The following TAFA1 variants were observed in gnomAD, a reference collection of about 807,000 sequenced individuals.
TAFA1 encodes chemokine-like protein TAFA-1.
A neutral mutation model predicts 18.5 loss-of-function variants in TAFA1; 4 were observed. That is an observed-to-expected ratio of 0.22 (90% CI 0.11 to 0.49). The LOEUF (loss-of-function observed/expected upper bound fraction) is 0.49, where lower values mean the gene tolerates loss of function less well. Among genes scored for constraint, TAFA1 ranks in the 20% least tolerant of loss-of-function variants. The pLI is 0.98. For missense variants in TAFA1, 147 were observed against 169.0 expected (o/e 0.87, Z 0.72); for synonymous variants, 56 against 55.2 (o/e 1.01, Z -0.06).
At chr3:68,531,827 C>T (rs757160662) in intron 3 of TAFA1, among the ~76,000 whole-genome samples, 1 of 152,068 alleles carries the variant, frequency 6.6e-6, no homozygotes. Flanking sequence ...TGGTGGGGGG[C>T]CCTCTCCTGC....
At chr3:68,341,229 G>A (rs1043695197) in intron 2 of TAFA1, among the ~76,000 whole-genome samples, 2 of 152,134 alleles carry the variant, frequency 1.3e-5, no homozygotes, top group Non-Finnish European at 2.9e-5. Flanking sequence ...GGATAATTTG[G>A]TGGTTAGGGG....
chr3:68,168,692 T>G (rs2066014997), intron 2 of TAFA1, among the ~76,000 whole-genome samples: 1 of 152,214 alleles, frequency 6.6e-6, no homozygotes, highest in Admixed American at 6.5e-5. Flanking sequence ...AGGTTGCAAG[T>G]CTATTTCTAC....
At chr3:68,021,385 A>G (rs937862627) in intron 2 of TAFA1, among the ~76,000 whole-genome samples, 3 of 152,170 alleles carry the variant, frequency 2.0e-5, no homozygotes, top group Admixed American at 1.3e-4. Context: ...TAAAAGAGCT[A>G]CTAGTCAGCT....
At chr3:68,495,540 T>G (rs2072530096) in intron 3 of TAFA1, among the ~76,000 whole-genome samples, 1 of 152,136 alleles carries the variant, frequency 6.6e-6, no homozygotes, top group Non-Finnish European at 1.5e-5. Context: ...TGGCCTTACA[T>G]TTAAAAGTCG....
At chr3:68,071,589 G>A (rs1004893237) in intron 2 of TAFA1, among the ~76,000 whole-genome samples, 2 of 152,180 alleles carry the variant, frequency 1.3e-5, no homozygotes, top group African/African-American at 4.8e-5. Context: ...TCTCGTGCCA[G>A]CTCTGCCACT....
chr3:68,273,950 C>G (rs539767364), intron 2 of TAFA1, among the ~76,000 whole-genome samples: 21 of 152,110 alleles, frequency 1.4e-4, no homozygotes, highest in Non-Finnish European at 2.9e-4. Flanking sequence ...CTAAGCCAGA[C>G]CAACTCTTTT....
chr3:68,522,860 G>A (rs1364232746), intron 3 of TAFA1, among the ~76,000 whole-genome samples: 1 of 151,814 alleles, frequency 6.6e-6, no homozygotes, highest in East Asian at 1.9e-4. Context: ...CAGGTCACTT[G>A]AGGTCAGGAG....
chr3:68,533,941 T>C (rs569093011), intron 3 of TAFA1, among the ~76,000 whole-genome samples: 1 of 152,300 alleles, frequency 6.6e-6, no homozygotes, highest in South Asian at 2.1e-4. Context: ...GATGGCCATG[T>C]AACATGTCAA....
intron 2 of TAFA1, among the ~76,000 whole-genome samples, chr3:68,181,153 T>A (rs1406268394): frequency 1.3e-5 from 2 of 152,038 alleles, no homozygotes; most frequent in Non-Finnish European, 2.9e-5. Flanking sequence ...CAGTTAAGCT[T>A]TGAGATGAGA....
At chr3:68,189,813 T>C (rs774342420) in intron 2 of TAFA1, among the ~76,000 whole-genome samples, 3 of 151,978 alleles carry the variant, frequency 2.0e-5, no homozygotes, top group Admixed American at 1.3e-4. Context: ...TCTGGCATTA[T>C]GCCTGGCACA....
At position 68,408,073 on chromosome 3, in the gene TAFA1, T is replaced by C. The variant is rs192943745; in HGVS notation, c.119-9207T>C. Among the ~76,000 whole-genome samples, 15 of 152,272 alleles carry C rather than the reference T, an allele frequency of 9.9e-5. No homozygotes were observed. The East Asian group carries it at 2.1e-3, about 22-fold the overall frequency. ...TGATGAATTCCAAAAAAGCTACTTA[T>C]ACAACCCTGATCAAAAAGTCCTGTA... On this transcript the variant is annotated intron_variant, in intron 2 of 4. Transcript: ENST00000478136.
At chr3:68,527,609 C>A (rs375643968) in intron 3 of TAFA1, among the ~76,000 whole-genome samples, 2 of 152,072 alleles carry the variant, frequency 1.3e-5, no homozygotes, top group African/African-American at 4.8e-5. Flanking sequence ...GTTCTTTTCT[C>A]TGATAGCATG....
At chr3:68,403,409 T>C (rs2070535218) in intron 2 of TAFA1, among the ~76,000 whole-genome samples, 1 of 152,214 alleles carries the variant, frequency 6.6e-6, no homozygotes, top group Non-Finnish European at 1.5e-5. Context: ...TCAGTGTGGC[T>C]GTGTTTGCAG....
At chr3:68,091,653 A>AAATG (rs1029299083) in intron 2 of TAFA1, among the ~76,000 whole-genome samples, 47 of 152,260 alleles carry the variant, frequency 3.1e-4, no homozygotes, top group African/African-American at 1.0e-3. Context: ...AAACCACTAC[A>AAATG]AATGAATGAA....
chr3:68,223,892 G>T (rs2066762915), intron 2 of TAFA1, among the ~76,000 whole-genome samples: 1 of 151,704 alleles, frequency 6.6e-6, no homozygotes. Flanking sequence ...AAAACTGAAT[G>T]CAATGCTATA....
intron 2 of TAFA1, among the ~76,000 whole-genome samples, chr3:68,327,085 T>A (rs2068788047): frequency 6.6e-6 from 1 of 152,158 alleles, no homozygotes; most frequent in Non-Finnish European, 1.5e-5. Flanking sequence ...ATATGATGTT[T>A]TATAAGGGGA....
chr3:68,216,507 G>A (rs554816357), intron 2 of TAFA1, among the ~76,000 whole-genome samples: 36 of 152,190 alleles, frequency 2.4e-4, no homozygotes, highest in African/African-American at 8.7e-4. Context: ...CTGAGATTGG[G>A]TTGATAAAGT....
At chr3:68,070,658 G>A (rs1033414782) in intron 2 of TAFA1, among the ~76,000 whole-genome samples, 1 of 152,160 alleles carries the variant, frequency 6.6e-6, no homozygotes, top group African/African-American at 2.4e-5. Context: ...GAACTTTTAT[G>A]CTCTGTTTCC....
At chr3:68,529,294 T>C (rs2073153711) in intron 3 of TAFA1, among the ~76,000 whole-genome samples, 1 of 151,778 alleles carries the variant, frequency 6.6e-6, no homozygotes, top group Admixed American at 6.6e-5. Flanking sequence ...GGAGCTTATC[T>C]TTTCTCTTTG....
Sources: gnomAD v4.1 joint callset for allele counts (sites outside exome capture counted in the v4.1 genomes callset) on GRCh38, gnomAD v4.1.1 for gene constraint, MANE v1.5 for transcripts, NCBI Gene and HGNC (gene_info 2026-07-23, HGNC 2026-07-21) for gene names.